EFCAB6: variants seen among roughly 807,000 people sequenced by gnomAD.
EFCAB6 encodes EF-hand calcium-binding domain-containing protein 6.
A neutral mutation model predicts 169.8 loss-of-function variants in EFCAB6; 156 were observed. That is an observed-to-expected ratio of 0.92 (90% CI 0.81 to 1.05). EFCAB6 has a LOEUF of 1.05. Among genes scored for constraint, EFCAB6 ranks in the 50% least tolerant of loss-of-function variants. EFCAB6 has a pLI of 0.00. For synonymous variants in EFCAB6, 698 were observed against 676.4 expected, an observed-to-expected ratio of 1.03 and a Z score of -0.50; for missense variants, 1,800 against 1,829.1, an observed-to-expected ratio of 0.98 and a Z score of 0.29.
At chr22:43,574,657 A>C (rs575000327) in intron 26 of EFCAB6, among the ~76,000 whole-genome samples, 2 of 150,836 alleles carry the variant, frequency 1.3e-5, no homozygotes, top group African/African-American at 2.4e-5. Flanking sequence ...AAAAAAAAAA[A>C]ACCATAATCA....
At chr22:43,533,774 C>T (rs2047220330) in intron 30 of EFCAB6, among the ~76,000 whole-genome samples, 2 of 152,104 alleles carry the variant, frequency 1.3e-5, no homozygotes, top group South Asian at 4.2e-4. Flanking sequence ...AAGTATTGCT[C>T]ACGTTATCAC....
Position 43,716,601 on chromosome 22 carries a change from T to A in EFCAB6, c.882+247A>T, listed in dbSNP as rs191301784. 4 of 405,380 alleles carry A rather than the reference T, an allele frequency of 9.9e-6. No homozygotes were observed. In the East Asian group the frequency reaches 1.4e-4, roughly 15 times the overall value. The allele number at this position is 405,380 out of a possible 1,614,324, so 25.1% of individuals were successfully genotyped here. On this transcript the variant is annotated intron_variant, in intron 9 of 31. Transcript: ENST00000262726. ...TAACGTTGCATTATTTCTTTATATG[T>A]CTTATTAGAGTTAGTATGTGAGTAG...
chr22:43,657,983 C>T (rs537490289), intron 17 of EFCAB6, among the ~76,000 whole-genome samples: 4 of 152,272 alleles, frequency 2.6e-5, no homozygotes. Flanking sequence ...AATCCCAGCA[C>T]TTTGGGAGGC....
At chr22:43,541,887 C>T (rs988763539) in intron 27 of EFCAB6, among the ~76,000 whole-genome samples, 6 of 152,234 alleles carry the variant, frequency 3.9e-5, no homozygotes, top group African/African-American at 1.4e-4. Context: ...AAGGGGAAGG[C>T]ACACAGCAGG....
At chr22:43,656,009 T>C (rs1280651025) in intron 17 of EFCAB6, among the ~76,000 whole-genome samples, 2 of 152,156 alleles carry the variant, frequency 1.3e-5, no homozygotes, top group African/African-American at 2.4e-5. Context: ...GTCAACAGAA[T>C]GAAGAAAGGA....
At chr22:43,687,171 G>A (rs766036015) in intron 11 of EFCAB6, among the ~76,000 whole-genome samples, 36 of 152,206 alleles carry the variant, frequency 2.4e-4, no homozygotes, top group Non-Finnish European at 4.9e-4. Flanking sequence ...TGTGCCTGGA[G>A]CCTTTGTGGT....
At chr22:43,666,698 T>TTG (rs1330926633) in intron 17 of EFCAB6, among the ~76,000 whole-genome samples, 18 of 137,426 alleles carry the variant, frequency 1.3e-4, no homozygotes, top group South Asian at 1.2e-3. Context: ...ATTGTTTTTT[T>TTG]TTTTTTTTTT....
rs1203525313 is a variant in EFCAB6 at position 43,628,415 on chromosome 22, A to G, written c.2233-1736T>C. 6.6e-6 allele frequency among the ~76,000 whole-genome samples: 1 copy of G among 152,014 alleles called. No homozygotes were observed. The highest frequency in any genetic ancestry group is 2.4e-5 in the African/African-American group (1 of 41,384). On this transcript the variant is annotated intron_variant, in intron 19 of 31. Coordinates refer to ENST00000262726, the MANE Select transcript of EFCAB6 (RefSeq NM_022785.4). This position sits in a 1 kb window ranked among gnomAD's most constrained non-coding sequence, Gnocchi z 4.8. ...CCCAAGGTCGCTGGAGTCCTGCAGGAACCTCGTGATGGCTCCCAGCTGCCA... is the reference window on the plus strand; with the variant it reads ...CCCAAGGTCGCTGGAGTCCTGCAGGGACCTCGTGATGGCTCCCAGCTGCCA...
At chr22:43,669,074 C>T (rs1374752626) in intron 15 of EFCAB6, 29 bp from the exon 16 acceptor site, 16 of 1,566,304 alleles carry the variant, frequency 1.0e-5, no homozygotes, top group Non-Finnish European at 1.3e-5. Context: ...TTAAAACACA[C>T]TCAGTAGAGT....
intron 20 of EFCAB6, among the ~76,000 whole-genome samples, chr22:43,621,397 T>C (rs2054104880): frequency 6.6e-6 from 1 of 152,110 alleles, no homozygotes; most frequent in Admixed American, 6.6e-5. Flanking sequence ...CCACTGTACC[T>C]GGCCTGAACA....
intron 2 of EFCAB6, chr22:43,802,758 G>T: frequency 2.0e-6 from 1 of 512,202 alleles, no homozygotes; most frequent in Non-Finnish European, 3.9e-6. Flanking sequence ...AAAGCTGAAT[G>T]TGTTGGAGAT....
At chr22:43,574,246 G>A (rs2050085835) in intron 26 of EFCAB6, among the ~76,000 whole-genome samples, 1 of 151,742 alleles carries the variant, frequency 6.6e-6, no homozygotes, top group African/African-American at 2.4e-5. Context: ...TTAACGTTAA[G>A]TGAAAAAAAG....
intron 19 of EFCAB6, 119 bp downstream of exon 19, chr22:43,631,986 C>T (rs754938478): frequency 4.3e-6 from 6 of 1,411,720 alleles, no homozygotes; most frequent in Admixed American, 4.5e-5. Context: ...GAGGGAAATG[C>T]TCTGTGTCCC....
At chr22:43,542,438 G>A (rs1411513746) in intron 27 of EFCAB6, among the ~76,000 whole-genome samples, 2 of 152,180 alleles carry the variant, frequency 1.3e-5, no homozygotes, top group Non-Finnish European at 2.9e-5. Context: ...AAATTAGCTG[G>A]GCGTGGTGGC....
intron 23 of EFCAB6, among the ~76,000 whole-genome samples, chr22:43,596,243 C>A (rs4386427): frequency 6.6e-6 from 1 of 151,932 alleles, no homozygotes; most frequent in African/African-American, 2.4e-5. Context: ...AAGTCATAAC[C>A]TGAGCAATTA....
rs374422528 is a variant in EFCAB6, at chr22:43,534,793, G to A, written c.4128C>T (p.Asn1376=). Residue 1376 remains asparagine, a synonymous_variant, in exon 30 of 32, where the codon AAC becomes AAT. Coordinates refer to ENST00000262726, the MANE Select transcript of EFCAB6 (RefSeq NM_022785.4). ...TGAAGTCACAGTATGCAAATTTCCCGTTGCTCTTTAAGTCGTATTTTATAA... is the reference window on the plus strand; with the variant it reads ...TGAAGTCACAGTATGCAAATTTCCCATTGCTCTTTAAGTCGTATTTTATAA... ...QLIIKYDLKS[N]GKFAYCDFIQ... is the part of the protein sequence containing the mutation. 6.6e-5 allele frequency: 107 copies of A among 1,613,942 alleles called. No homozygotes were observed. Among genetic ancestry groups the A allele is most frequent in the South Asian group, 3.4e-4 (31 of 91,018 alleles).
chr22:43,755,662 C>T (rs932659853), intron 6 of EFCAB6, 104 bp downstream of exon 6: 23 of 1,043,054 alleles, frequency 2.2e-5, no homozygotes, highest in Admixed American at 1.5e-4. Flanking sequence ...CATGAGAACT[C>T]GGATGACAAG....
rs1209304975 is a variant in EFCAB6 at position 43,744,873 on chromosome 22, C to G, written c.508-8880G>C. On this transcript the variant is annotated intron_variant, in intron 6 of 31. Transcript: ENST00000262726. This position sits in a 1 kb window ranked among gnomAD's most constrained non-coding sequence, Gnocchi z 4.3. ...GGTACAGCCAGTGAGCAGGCCCTACCCACTCCAGGGCCCTCGGGCTTGGAG... is the reference window on the plus strand; with the variant it reads ...GGTACAGCCAGTGAGCAGGCCCTACGCACTCCAGGGCCCTCGGGCTTGGAG... Among the ~76,000 whole-genome samples the G allele has an allele frequency of 6.6e-6, 1 of 152,124 alleles. No homozygotes were observed.
chr22:43,629,886 GAC>G (rs1044765194), intron 19 of EFCAB6, among the ~76,000 whole-genome samples: 14 of 152,308 alleles, frequency 9.2e-5, no homozygotes, highest in African/African-American at 3.1e-4. Context: ...ACATGGATGA[GAC>G]AATCCTGCGA....
Sources: allele counts gnomAD v4.1 joint callset (sites outside exome capture counted in the v4.1 genomes callset), GRCh38; gene constraint gnomAD v4.1.1; non-coding constraint Gnocchi (gnomAD v3.1); transcripts MANE v1.5; gene names NCBI Gene and HGNC (gene_info 2026-07-23, HGNC 2026-07-21).